JARID2: variants seen among roughly 807,000 people sequenced by gnomAD.
JARID2 encodes the protein jumonji and AT-rich interaction domain containing 2.
In JARID2, 21 loss-of-function variants were observed where a neutral mutation model predicts 125.6. The ratio of observed to expected loss-of-function variants is 0.17; its 90% CI spans 0.12 to 0.24. JARID2 has a LOEUF of 0.24. Among genes scored for constraint, JARID2 ranks in the 10% least tolerant of loss-of-function variants. The pLI is 1.00. For missense variants in JARID2, 1,303 were observed against 1,639.6 expected, an observed-to-expected ratio of 0.79 and a Z score of 3.55; for synonymous variants, 736 against 661.6, an observed-to-expected ratio of 1.11 and a Z score of -1.73.
chr6:15,389,631 G>A (rs1392221443), intron 2 of JARID2, among the ~76,000 whole-genome samples: 1 of 152,140 alleles, frequency 6.6e-6, no homozygotes, highest in African/African-American at 2.4e-5. Flanking sequence ...AGTTTTAAAG[G>A]GTGAGCTGGA....
intron 4 of JARID2, among the ~76,000 whole-genome samples, chr6:15,457,974 G>C (rs548819834): frequency 6.6e-6 from 1 of 152,280 alleles, no homozygotes; most frequent in African/African-American, 2.4e-5. Flanking sequence ...GGGATGAATA[G>C]TGCAGCCGGC....
chr6:15,384,513 T>G (rs924389705), intron 2 of JARID2, among the ~76,000 whole-genome samples: 1 of 152,314 alleles, frequency 6.6e-6, no homozygotes, highest in Middle Eastern at 3.4e-3. Context: ...GTTCTAGTTT[T>G]GGTGGCCAAA....
intron 1 of JARID2, among the ~76,000 whole-genome samples, chr6:15,354,441 A>AC (rs1763531259): frequency 6.6e-6 from 1 of 151,852 alleles, no homozygotes; most frequent in Admixed American, 6.5e-5. Context: ...ATAATTTGTT[A>AC]ACAGCAGCAA....
intron 12 of JARID2, chr6:15,509,155 C>T: frequency 1.6e-6 from 2 of 1,285,974 alleles, no homozygotes; most frequent in South Asian, 1.2e-5. Context: ...AGGCTGGGTC[C>T]CCGCCTGTAA....
chr6:15,431,044 A>G (rs1260823650), intron 3 of JARID2, among the ~76,000 whole-genome samples: 1 of 152,164 alleles, frequency 6.6e-6, no homozygotes, highest in Non-Finnish European at 1.5e-5. Flanking sequence ...TTGTTCCGGC[A>G]AATACCATTG....
At chr6:15,294,798 C>T (rs981516563) in intron 1 of JARID2, among the ~76,000 whole-genome samples, 4 of 152,038 alleles carry the variant, frequency 2.6e-5, no homozygotes, top group Non-Finnish European at 4.4e-5. Context: ...AGTGTGAGGG[C>T]CTCAACCCAA....
chr6:15,466,541 C>T (rs1768749377), intron 4 of JARID2, among the ~76,000 whole-genome samples: 1 of 152,120 alleles, frequency 6.6e-6, no homozygotes. Flanking sequence ...TGTGTTAGAT[C>T]GATAGTAAAA....
At chr6:15,274,706 G>T (rs1561761886) in intron 1 of JARID2, among the ~76,000 whole-genome samples, 2 of 152,080 alleles carry the variant, frequency 1.3e-5, no homozygotes, top group African/African-American at 2.4e-5. Flanking sequence ...TTGATTCTGG[G>T]TTTTTTTGTT....
At chr6:15,442,509 T>C (rs1439811212) in intron 3 of JARID2, among the ~76,000 whole-genome samples, 1 of 152,212 alleles carries the variant, frequency 6.6e-6, no homozygotes, top group Non-Finnish European at 1.5e-5. Flanking sequence ...ATCTATCTGC[T>C]TTTTGCTTGA....
intron 4 of JARID2, among the ~76,000 whole-genome samples, chr6:15,461,773 C>G (rs1042147163): frequency 1.3e-5 from 2 of 152,134 alleles, no homozygotes; most frequent in African/African-American, 2.4e-5. Context: ...ACATTATGCT[C>G]TGTATACAGT....
At chr6:15,285,107 T>TTTTTTTTTG (rs1760945197) in intron 1 of JARID2, among the ~76,000 whole-genome samples, 1 of 65,470 alleles carries the variant, frequency 1.5e-5, no homozygotes, top group African/African-American at 8.8e-5. Context: ...TCTTTCTGGG[T>TTTTTTTTTG]TTTTTTTTTT....
intron 1 of JARID2, among the ~76,000 whole-genome samples, chr6:15,259,591 C>T (rs893578196): frequency 4.6e-5 from 7 of 152,160 alleles, no homozygotes; most frequent in Admixed American, 3.9e-4. Context: ...GACTTGGCTT[C>T]TTAATCTTTT....
intron 5 of JARID2, among the ~76,000 whole-genome samples, chr6:15,478,891 C>T (rs1217478483): frequency 1.3e-5 from 2 of 152,060 alleles, no homozygotes; most frequent in African/African-American, 4.8e-5. Flanking sequence ...GGATGCTCTC[C>T]CGAGCTCAGG....
At chr6:15,457,757 G>A (rs148678071) in intron 4 of JARID2, among the ~76,000 whole-genome samples, 342 of 152,240 alleles carry the variant, frequency 2.2e-3, no homozygotes, top group Non-Finnish European at 3.8e-3. Context: ...TAATGACAGT[G>A]AGAAATCTTT....
chr6:15,375,999 A>AAT (rs1415224689), intron 2 of JARID2, among the ~76,000 whole-genome samples: 1 of 152,124 alleles, frequency 6.6e-6, no homozygotes, highest in Admixed American at 6.5e-5. Context: ...ACAAAAACTA[A>AAT]AGTTTGTCAT....
At chr6:15,368,613 A>G in intron 1 of JARID2, 1 of 428,882 alleles carries the variant, frequency 2.3e-6, no homozygotes, top group Non-Finnish European at 4.7e-6. Context: ...AGGGTTTGAG[A>G]GACCGTGTCA....
Position 15,503,922 on chromosome 6 carries a change from G to T in JARID2, c.2449-578G>T, listed in dbSNP as rs573059430. 1.2e-4 allele frequency among the ~76,000 whole-genome samples: 18 copies of T among 152,358 alleles called. No individual in the cohort carries two copies. The East Asian group carries it at 3.5e-3, about 29-fold the overall frequency. ...GGCAACAGAGGGGCATCGAAGAAGA[G>T]GCGCAGAGGGGACAGCAGGTGGTTC... On this transcript the variant is annotated intron_variant, in intron 8 of 17. Transcript: ENST00000341776.
chr6:15,324,681 CTTGCT>C (rs1762477845), intron 1 of JARID2, among the ~76,000 whole-genome samples: 1 of 150,024 alleles, frequency 6.7e-6, no homozygotes, highest in African/African-American at 2.5e-5. Context: ...GTTTTGTAGC[CTTGCT>C]TTATTTTCCA....
chr6:15,453,399 T>C (rs1427983934), intron 4 of JARID2, among the ~76,000 whole-genome samples: 2 of 152,184 alleles, frequency 1.3e-5, no homozygotes, highest in African/African-American at 4.8e-5. Context: ...TACATTCTGG[T>C]TTGTGTTCTT....
Sources: allele counts gnomAD v4.1 joint callset (sites outside exome capture counted in the v4.1 genomes callset), GRCh38; gene constraint gnomAD v4.1.1; transcripts MANE v1.5; gene names NCBI Gene and HGNC (gene_info 2026-07-23, HGNC 2026-07-21).